Variants in PZP observed in about 807,000 individuals in gnomAD.
The protein encoded by PZP is pregnancy zone protein.
A neutral mutation model predicts 179.8 loss-of-function variants in PZP; 150 were observed. The ratio of observed to expected loss-of-function variants is 0.83; its 90% CI spans 0.73 to 0.96. PZP has a LOEUF of 0.96. PZP is among the 40% of genes least tolerant of loss of function. PZP has a pLI of 0.00. For synonymous variants in PZP, 624 were observed against 652.3 expected (o/e 0.96, Z 0.66); for missense variants, 1,689 against 1,764.0 (o/e 0.96, Z 0.76).
At chr12:9,185,706 T>C (rs969081750) in intron 13 of PZP, among the ~76,000 whole-genome samples, 13 of 152,058 alleles carry the variant, frequency 8.5e-5, no homozygotes, top group African/African-American at 3.1e-4. Context: ...ACAAGTCACC[T>C]ACAAAGGGAA....
intron 1 of PZP, among the ~76,000 whole-genome samples, chr12:9,205,369 G>A (rs1213386380): frequency 6.6e-6 from 1 of 152,066 alleles, no homozygotes; most frequent in Non-Finnish European, 1.5e-5. Flanking sequence ...ATGTGTTTTT[G>A]TTGTTGCTGT....
intron 15 of PZP, among the ~76,000 whole-genome samples, chr12:9,171,008 G>A (rs1941957124): frequency 6.6e-6 from 1 of 152,182 alleles, no homozygotes; most frequent in Admixed American, 6.5e-5. Flanking sequence ...CAGCCAGGCT[G>A]CTTCTTTGAG....
At position 9,184,836 on chromosome 12, in the gene PZP, A is replaced by G. The variant is rs756064279; in HGVS notation, c.1547-2719T>C. Among the ~76,000 whole-genome samples, 10 of 152,314 alleles carry G rather than the reference A, an allele frequency of 6.6e-5. No homozygotes were observed. In the South Asian group the frequency reaches 8.3e-4, roughly 13 times the overall value. ...GCTCCTCCCTGCCTCCACTGCCCCC[A>G]AATCTTCTGGTAACAAAGTCAGTTG... On this transcript the variant is annotated intron_variant, in intron 13 of 35. Coordinates refer to ENST00000261336, the MANE Select transcript of PZP (RefSeq NM_002864.3).
chr12:9,157,787 C>T lies in PZP; in HGVS notation c.3349G>A (p.Glu1117Lys). Residue 1117 changes from glutamate (E) to lysine (K), a missense_variant, in exon 27 of 36, where the codon GAA becomes AAA. Coordinates refer to ENST00000261336, the MANE Select transcript of PZP (RefSeq NM_002864.3). ...LSAYVTIALL[E>K]IPLPVTNPIV... is the part of the protein sequence containing the mutation. Reference sequence around the variant, plus strand: ...CCTACAGTGACTGGGAGAGGAATTTCCAGAAGGGCAATAGTAACATAGGCG... The same window carrying T: ...CCTACAGTGACTGGGAGAGGAATTTTCAGAAGGGCAATAGTAACATAGGCG... 1 of 1,613,950 alleles carries T rather than the reference C, an allele frequency of 6.2e-7. No homozygotes were observed. Among genetic ancestry groups the T allele is most frequent in the Non-Finnish European group, 8.5e-7 (1 of 1,179,876 alleles).
intron 10 of PZP, 108 bp from the exon 11 acceptor site, chr12:9,194,346 C>CA (rs1225459853): frequency 2.1e-5 from 21 of 981,362 alleles, no homozygotes; most frequent in South Asian, 3.9e-5. Context: ...ACCTCCCCCT[C>CA]AAAAAAACCC....
intron 13 of PZP, among the ~76,000 whole-genome samples, chr12:9,184,025 A>C (rs1942942672): frequency 6.6e-6 from 1 of 152,246 alleles, no homozygotes; most frequent in South Asian, 2.1e-4. Context: ...TTCAACAAGG[A>C]AAGTGGGGTA....
Position 9,164,301 on chromosome 12 carries a change from T to C in PZP, c.2488-42A>G, listed in dbSNP as rs749690559. On this transcript the variant is annotated intron_variant, in intron 19 of 35. Coordinates refer to ENST00000261336, the MANE Select transcript of PZP (RefSeq NM_002864.3). Reference sequence around the variant, plus strand: ...GGCAGAGACAGAAATGATCAGAATATGGAACGACACGAACACATAGAATTG... The same window carrying C: ...GGCAGAGACAGAAATGATCAGAATACGGAACGACACGAACACATAGAATTG... The C allele has an allele frequency of 3.8e-6, 6 of 1,597,234 alleles. No individual in the cohort carries two copies. The East Asian group carries it at 1.3e-4, about 36-fold the overall frequency.
intron 14 of PZP, 61 bp downstream of exon 14, chr12:9,181,914 A>T: frequency 1.3e-6 from 2 of 1,550,600 alleles, no homozygotes; most frequent in South Asian, 2.4e-5. Flanking sequence ...CTGGGGTAAA[A>T]TAGATGGCAC....
chr12:9,140,175 T>A, the PZP span, among the ~76,000 whole-genome samples: 5 of 152,196 alleles, frequency 3.3e-5, no homozygotes, highest in Admixed American at 3.3e-4. Context: ...TGGGTAGTTG[T>A]CTGTGAAATG....
At position 9,152,904 on chromosome 12, in the gene PZP, A is replaced by G; in HGVS notation, c.4041T>C (p.Phe1347=). ...GGGGCACAGTCTGCACTTTTAAAGC[A>G]AATGGGGAGTCCTCTTTCTCTGGAA... is the stretch of plus-strand genomic sequence containing the variant. ...NILPEKEDSP[F]ALKVQTVPQT... The change falls in exon 31 of 36, where the codon TTT becomes TTC. Residue 1347 remains phenylalanine, a synonymous_variant. Transcript: ENST00000261336. 1 of 1,614,198 alleles carries G rather than the reference A, an allele frequency of 6.2e-7. No individual in the cohort carries two copies. The highest frequency in any genetic ancestry group is 1.6e-4 in the Middle Eastern group (1 of 6,062).
In PZP at chr12:9,202,535, TG is replaced by T; in HGVS notation, c.416del (p.Pro139GlnfsTer5). The T allele has an allele frequency of 2.5e-6, 4 of 1,614,138 alleles. No individual in the cohort carries two copies. Among genetic ancestry groups the T allele is most frequent in the Non-Finnish European group, 3.4e-6 (4 of 1,180,004 alleles). ...AATTTCCCTACTTACCTGTCTGTCC[TG>T]GTTTATACATGGGTTTGTCTGTCTG... is the stretch of plus-strand genomic sequence containing the variant. ...FVQTDKPMYK[P>X]GQTVRFRVVS... On this transcript the variant is annotated frameshift_variant, in exon 3 of 36. Coordinates refer to ENST00000261336, the MANE Select transcript of PZP (RefSeq NM_002864.3). LOFTEE classifies it high-confidence loss of function.
intron 17 of PZP, 200 bp downstream of exon 17, chr12:9,168,669 A>G: frequency 2.0e-6 from 1 of 498,120 alleles, no homozygotes; most frequent in Non-Finnish European, 3.5e-6. Context: ...GCCCTGAAGT[A>G]TCGGATGTAT....
chr12:9,157,037 A>C, intron 28 of PZP, 138 bp downstream of exon 28: 1 of 699,640 alleles, frequency 1.4e-6, no homozygotes, highest in South Asian at 2.8e-5. Flanking sequence ...TCACCTGGTT[A>C]TTAGGTCCCC....
the PZP span, among the ~76,000 whole-genome samples, chr12:9,140,195 C>G: frequency 6.6e-6 from 1 of 152,188 alleles, no homozygotes; most frequent in Non-Finnish European, 1.5e-5. Context: ...GGCCATGATC[C>G]TGTCAGTTAA....
rs189961866 is a variant in PZP at position 9,189,976 on chromosome 12, T to C, written c.1546+2217A>G. Reference sequence around the variant, plus strand: ...TCACATCAGTCAGAATGGCTATTATTAAGAGTCAAAAAATAACAGATGTTG... The same window carrying C: ...TCACATCAGTCAGAATGGCTATTATCAAGAGTCAAAAAATAACAGATGTTG... On this transcript the variant is annotated intron_variant, in intron 13 of 35. Transcript: ENST00000261336. Among the ~76,000 whole-genome samples, 9 of 152,130 alleles carry C rather than the reference T, an allele frequency of 5.9e-5. No individual in the cohort carries two copies. The East Asian group carries it at 1.7e-3, about 29-fold the overall frequency.
chr12:9,150,316 A>C (rs1410063122), intron 34 of PZP, among the ~76,000 whole-genome samples: 2 of 152,026 alleles, frequency 1.3e-5, no homozygotes. Flanking sequence ...GGAGTCTCGC[A>C]CCGTCACCTG....
At chr12:9,162,695 G>T in intron 21 of PZP, 47 bp from the exon 22 acceptor site, 1 of 1,426,894 alleles carries the variant, frequency 7.0e-7, no homozygotes, top group Non-Finnish European at 9.8e-7. Context: ...ACATCCTGGT[G>T]ACAAGAGAAC....
intron 7 of PZP, among the ~76,000 whole-genome samples, chr12:9,197,756 A>AATAT (rs1447816216): frequency 1.1e-5 from 1 of 89,716 alleles, no homozygotes; most frequent in African/African-American, 5.1e-5. Flanking sequence ...CATAATATAT[A>AATAT]TAATTATATA....
rs1368663807 is a variant in PZP at position 9,208,298 on chromosome 12, A to G, written c.44T>C (p.Leu15Pro). The change falls in exon 1 of 36, where the codon CTT becomes CCT. Residue 15 changes from leucine (L) to proline (P), a missense_variant. By Grantham distance (98) the Leu-to-Pro change is moderately conservative. This residue lies in a region of PZP where 742 missense variants were observed against 730.5 expected (regional missense o/e 1.02). Transcript: ENST00000261336. ...RLLHLCLVLL[L>P]ILLSASDSNS... ...TGAGTCACTGGCAGAAAGCAGGATAAGAAGTAGCACAAGACATAAATGAAG... is the reference window on the plus strand; with the variant it reads ...TGAGTCACTGGCAGAAAGCAGGATAGGAAGTAGCACAAGACATAAATGAAG... The G allele has an allele frequency of 6.2e-7, 1 of 1,613,700 alleles. No individual in the cohort carries two copies. The highest frequency in any genetic ancestry group is 1.3e-5 in the African/African-American group (1 of 74,914).
Sources: allele counts gnomAD v4.1 joint callset (sites outside exome capture counted in the v4.1 genomes callset), GRCh38; gene constraint gnomAD v4.1.1; regional missense constraint gnomAD v4.1.1; transcripts MANE v1.5; gene names NCBI Gene and HGNC (gene_info 2026-07-23, HGNC 2026-07-21).